The following ZNF704 variants were observed in gnomAD, a reference collection of about 807,000 sequenced individuals.
The protein encoded by ZNF704 is glucocorticoid induced gene 1.
Under a neutral mutation model 44.7 loss-of-function variants are expected in ZNF704, and 10 were observed. The ratio of observed to expected loss-of-function variants is 0.22; its 90% CI spans 0.14 to 0.38. The LOEUF (loss-of-function observed/expected upper bound fraction) is 0.38. Among genes scored for constraint, ZNF704 ranks in the 10% least tolerant of loss-of-function variants. ZNF704 has a pLI of 1.00. For synonymous variants in ZNF704, 211 were observed against 207.6 expected (o/e 1.02, Z -0.14); for missense variants, 390 against 545.5 (o/e 0.71, Z 2.84).
intron 1 of ZNF704, among the ~76,000 whole-genome samples, chr8:80,849,664 A>G (rs1808825199): frequency 6.6e-6 from 1 of 152,188 alleles, no homozygotes; most frequent in African/African-American, 2.4e-5. Flanking sequence ...GGCTGACTCA[A>G]TTTGCAAGAG....
intron 1 of ZNF704, among the ~76,000 whole-genome samples, chr8:80,830,165 T>C (rs1406059870): frequency 6.6e-6 from 1 of 151,852 alleles, no homozygotes; most frequent in African/African-American, 2.4e-5. Flanking sequence ...GGCTCGGAAA[T>C]GGCCCAGAGA....
intron 2 of ZNF704, among the ~76,000 whole-genome samples, chr8:80,783,683 C>T (rs1028025342): frequency 6.6e-5 from 10 of 151,990 alleles, no homozygotes; most frequent in African/African-American, 2.4e-4. Flanking sequence ...CCTGTACAAC[C>T]TTTCCCACTG....
intron 2 of ZNF704, among the ~76,000 whole-genome samples, chr8:80,791,144 A>G (rs1236555496): frequency 6.6e-6 from 1 of 152,210 alleles, no homozygotes; most frequent in Non-Finnish European, 1.5e-5. Flanking sequence ...GTTCTGACTA[A>G]TATCTTCAGG....
intron 4 of ZNF704, among the ~76,000 whole-genome samples, chr8:80,670,996 G>A (rs770961442): frequency 8.5e-5 from 13 of 152,168 alleles, no homozygotes; most frequent in Non-Finnish European, 1.6e-4. Flanking sequence ...CGCATAGAAA[G>A]CTCCATAAAA....
intron 2 of ZNF704, among the ~76,000 whole-genome samples, chr8:80,758,569 G>T (rs541211964): frequency 6.6e-6 from 1 of 152,194 alleles, no homozygotes; most frequent in East Asian, 1.9e-4. Flanking sequence ...TTAAGAGTTT[G>T]CAAGAAGAGG....
At chr8:80,810,761 C>T (rs1808067918) in intron 2 of ZNF704, among the ~76,000 whole-genome samples, 1 of 152,196 alleles carries the variant, frequency 6.6e-6, no homozygotes, top group Admixed American at 6.5e-5. Context: ...ATCAGTTATG[C>T]ACAACTGGGA....
chr8:80,713,103 G>T (rs895533299), intron 2 of ZNF704, among the ~76,000 whole-genome samples: 13 of 151,976 alleles, frequency 8.6e-5, no homozygotes, highest in Non-Finnish European at 1.5e-4. Context: ...CACCATTTTG[G>T]TCAGGCTGGT....
chr8:80,678,855 A>T (rs1460927549), intron 4 of ZNF704, among the ~76,000 whole-genome samples: 1 of 152,180 alleles, frequency 6.6e-6, no homozygotes, highest in Non-Finnish European at 1.5e-5. Flanking sequence ...CTTCTGGTTC[A>T]TAGATCTCTG....
chr8:80,672,295 G>A (rs781210943), intron 4 of ZNF704, among the ~76,000 whole-genome samples: 6 of 152,198 alleles, frequency 3.9e-5, no homozygotes, highest in Non-Finnish European at 7.3e-5. Context: ...GCAGAGAAAC[G>A]AGGATGCATA....
At chr8:80,792,924 G>A (rs1268864219) in intron 2 of ZNF704, among the ~76,000 whole-genome samples, 1 of 152,196 alleles carries the variant, frequency 6.6e-6, no homozygotes, top group Non-Finnish European at 1.5e-5. Context: ...GCCATGCCCA[G>A]ATTCCTGACC....
At chr8:80,757,730 C>A (rs537791797) in intron 2 of ZNF704, among the ~76,000 whole-genome samples, 53 of 152,260 alleles carry the variant, frequency 3.5e-4, no homozygotes, top group South Asian at 2.9e-3. Context: ...TTTTACCGTA[C>A]CTTTTTAATG....
chr8:80,659,218 T>C (rs918812460), intron 7 of ZNF704, among the ~76,000 whole-genome samples: 1 of 152,192 alleles, frequency 6.6e-6, no homozygotes, highest in Non-Finnish European at 1.5e-5. Flanking sequence ...TCCTAAGTAA[T>C]AAATTTTATA....
intron 7 of ZNF704, among the ~76,000 whole-genome samples, chr8:80,645,451 T>G (rs1374129460): frequency 6.6e-6 from 1 of 152,170 alleles, no homozygotes; most frequent in African/African-American, 2.4e-5. Flanking sequence ...CGGATGTGTG[T>G]CTCTGCCTGA....
At chr8:80,854,697 C>T (rs762508539) in intron 1 of ZNF704, among the ~76,000 whole-genome samples, 2 of 152,152 alleles carry the variant, frequency 1.3e-5, no homozygotes, top group African/African-American at 2.4e-5. Context: ...GAGCAGGAGT[C>T]AGCAAATTGG....
At chr8:80,779,060 A>G (rs1357639404) in intron 2 of ZNF704, among the ~76,000 whole-genome samples, 2 of 152,012 alleles carry the variant, frequency 1.3e-5, no homozygotes, top group Admixed American at 1.3e-4. Context: ...TATCTCTAAC[A>G]TCTTTCAATA....
chr8:80,809,428 G>A (rs370445645), intron 2 of ZNF704, among the ~76,000 whole-genome samples: 3 of 152,164 alleles, frequency 2.0e-5, no homozygotes, highest in Admixed American at 1.3e-4. Flanking sequence ...GGGCAGCAAC[G>A]TTACGCAAAT....
chr8:80,709,430 G>A (rs970369842), intron 2 of ZNF704, among the ~76,000 whole-genome samples: 2 of 109,224 alleles, frequency 1.8e-5, no homozygotes, highest in African/African-American at 3.6e-5. Flanking sequence ...GCAACAGTGC[G>A]AGACTCCATC....
At chr8:80,805,490 T>A (rs1807974375) in intron 2 of ZNF704, among the ~76,000 whole-genome samples, 1 of 152,188 alleles carries the variant, frequency 6.6e-6, no homozygotes. Flanking sequence ...AAACATTACT[T>A]GGGAATAATT....
intron 2 of ZNF704, among the ~76,000 whole-genome samples, chr8:80,727,538 G>C (rs575702639): frequency 6.6e-6 from 1 of 151,718 alleles, no homozygotes; most frequent in African/African-American, 2.4e-5. Context: ...GTTCGCCTTC[G>C]GGTTTTAAAT....
Sources: allele counts gnomAD v4.1 joint callset (sites outside exome capture counted in the v4.1 genomes callset), GRCh38; gene constraint gnomAD v4.1.1; transcripts MANE v1.5; gene names NCBI Gene and HGNC (gene_info 2026-07-23, HGNC 2026-07-21).